TRMT2B: variants seen among roughly 807,000 people sequenced by gnomAD.
TRMT2B encodes the protein tRNA (uracil-5-)-methyltransferase homolog B.
A neutral mutation model predicts 39.7 loss-of-function variants in TRMT2B; 34 were observed. The ratio of observed to expected loss-of-function variants is 0.86; its 90% CI spans 0.65 to 1.14. The LOEUF (loss-of-function observed/expected upper bound fraction) is 1.14. Ranked by LOEUF, TRMT2B falls within the 50% of genes most tolerant of loss-of-function variation. The pLI is 0.00. For synonymous variants in TRMT2B, 132 were observed against 137.3 expected (o/e 0.96, Z 0.27); for missense variants, 318 against 377.2 (o/e 0.84, Z 1.30).
chrX:101,021,053 C>T (rs1261241692), intron 10 of TRMT2B, 48 bp downstream of exon 10: 1 of 1,139,841 alleles, frequency 8.8e-7, no homozygotes, highest in South Asian at 1.8e-5. Flanking sequence ...GCTACAAGGG[C>T]CTTGGGAGCT....
chrX:101,003,905 A>T, the TRMT2B span, among the ~76,000 whole-genome samples: 1 of 111,543 alleles, frequency 9.0e-6, no homozygotes, highest in African/African-American at 3.3e-5. Context: ...ATCATGGCTC[A>T]CTGCAGCCTC....
At position 101,025,549 on chromosome X, in the gene TRMT2B, C is replaced by T. The variant is rs189077363; in HGVS notation, c.610-1933G>A. The stretch of plus-strand genomic sequence containing the variant: ...GGAATTATACAAAAAAACAGTGCTA[C>T]CTGAGAGGTAAGATCAATTAAGGTT... On this transcript the variant is annotated intron_variant, in intron 7 of 13. Transcript: ENST00000372936. 8.8e-4 allele frequency among the ~76,000 whole-genome samples: 98 copies of T among 111,954 alleles called. No homozygotes were observed. In the Middle Eastern group the frequency reaches 0.032, roughly 37 times the overall value.
chrX:100,993,913 A>C, the TRMT2B span, among the ~76,000 whole-genome samples: 43 of 112,015 alleles, frequency 3.8e-4, no homozygotes, highest in South Asian at 0.016. Context: ...GGCCTGCTGT[A>C]AAGTTTAAAA....
chrX:101,041,991 A>C, intron 3 of TRMT2B, 51 bp downstream of exon 3: 8 of 1,177,992 alleles, frequency 6.8e-6, no homozygotes, highest in Non-Finnish European at 9.2e-6. Flanking sequence ...ATTTCAGCAG[A>C]TGTACAGATT....
In TRMT2B at chrX:101,041,297, G is replaced by C; in HGVS notation, c.303+20C>G. On this transcript the variant is annotated intron_variant, in intron 4 of 13. Transcript: ENST00000372936. ...CATTCTCCTGGAAAGGAGGGGTAAA[G>C]ACTTAGGCTGGGCACCTACCTTGAG... The C allele has an allele frequency of 8.3e-7, 1 of 1,204,845 alleles. No homozygotes were observed. The highest frequency in any genetic ancestry group is 1.1e-6 in the Non-Finnish European group (1 of 889,845).
the TRMT2B span, among the ~76,000 whole-genome samples, chrX:100,992,344 G>A: frequency 2.8e-4 from 31 of 111,586 alleles, no homozygotes; most frequent in African/African-American, 1.0e-3. Context: ...ACCTTGGGAG[G>A]CCAAGGCAGG....
chrX:101,051,706 C>T lies in TRMT2B; in HGVS notation c.-479G>A. 1 of 754,956 alleles carries T rather than the reference C, an allele frequency of 1.3e-6. No individual in the cohort carries two copies. Among genetic ancestry groups the T allele is most frequent in the South Asian group, 6.7e-5 (1 of 14,903 alleles). 62.2% of individuals were successfully genotyped at this position (754,956 alleles called of 1,213,427 possible). On this transcript the variant is annotated 5_prime_UTR_variant, in exon 2 of 14. Coordinates refer to ENST00000372936, the MANE Select transcript of TRMT2B (RefSeq NM_024917.6). ...CCTGCCTCCTCCATTCCCCGCCCCG[C>T]GGACAGTTTGGCATAGTAGGGAGTT...
chrX:100,991,664 G>A, the TRMT2B span, among the ~76,000 whole-genome samples: 11 of 112,007 alleles, frequency 9.8e-5, no homozygotes, highest in Admixed American at 3.8e-4. Context: ...ATGAGCCACC[G>A]CGCCCGGCCC....
chrX:101,000,221 A>T, the TRMT2B span, among the ~76,000 whole-genome samples: 1 of 108,446 alleles, frequency 9.2e-6, no homozygotes, highest in Non-Finnish European at 1.9e-5. Context: ...CCTGGGTTCA[A>T]GTGATTCTCC....
intron 13 of TRMT2B, chrX:101,013,727 GATGAGACTCCGTCTCAAAA>G (rs1334117552): frequency 1.2e-5 from 1 of 86,661 alleles, no homozygotes; most frequent in Non-Finnish European, 2.1e-5. Context: ...ACTCCAGCAA[GATGAGACTCCGTCTCAAAA>G]AAAAAAAAAA....
At chrX:101,020,381 T>G (rs1162697109) in intron 11 of TRMT2B, 106 bp downstream of exon 11, 1 of 629,163 alleles carries the variant, frequency 1.6e-6, no homozygotes, top group Non-Finnish European at 2.5e-6. Flanking sequence ...CCTCCCTTCC[T>G]CCCTGTGGGT....
At chrX:100,990,175 C>T in the TRMT2B span, among the ~76,000 whole-genome samples, 6 of 111,206 alleles carry the variant, frequency 5.4e-5, no homozygotes, top group Non-Finnish European at 1.1e-4. Flanking sequence ...AGAGAAAGTA[C>T]GAGGCCAGGG....
At chrX:101,033,061 G>T (rs1476698897) in intron 7 of TRMT2B, among the ~76,000 whole-genome samples, 1 of 109,302 alleles carries the variant, frequency 9.1e-6, no homozygotes, top group Admixed American at 1.0e-4. Flanking sequence ...TTCAAGACCA[G>T]CCTGGCCAAC....
chrX:101,004,417 C>T (rs1417490117), downstream of TRMT2B, among the ~76,000 whole-genome samples: 1 of 111,313 alleles, frequency 9.0e-6, no homozygotes, highest in Non-Finnish European at 1.9e-5. Flanking sequence ...AACTCCTGGG[C>T]TTAAGTGATC....
the TRMT2B span, among the ~76,000 whole-genome samples, chrX:100,994,863 T>C: frequency 9.0e-6 from 1 of 111,552 alleles, no homozygotes; most frequent in Admixed American, 9.6e-5. Context: ...CTCGAACTCC[T>C]GGGCTTAAGC....
rs1469960544 is a variant in TRMT2B, at chrX:101,035,475, T to G, written c.609+138A>C. 3 of 534,845 alleles carry G rather than the reference T, an allele frequency of 5.6e-6. No homozygotes were observed. The African/African-American group carries it at 6.9e-5, about 12-fold the overall frequency. 44.1% of individuals were successfully genotyped at this position (534,845 alleles called of 1,213,427 possible). ...AACCTAGCAATGTTTTCTCCATAGT[T>G]AGAAGGTATGCTTTCAGTACAGAGC... On this transcript the variant is annotated intron_variant, in intron 7 of 13. Transcript: ENST00000372936.
At chrX:101,032,019 G>A (rs1232479417) in intron 7 of TRMT2B, among the ~76,000 whole-genome samples, 3 of 111,029 alleles carry the variant, frequency 2.7e-5, no homozygotes, top group Non-Finnish European at 5.7e-5. Flanking sequence ...GAGGGGACCG[G>A]GGGTGCCTAT....
chrX:101,036,683 AATG>A lies in TRMT2B; in HGVS notation c.538+288_538+290del, dbSNP rs759169338. 9.0e-5 allele frequency among the ~76,000 whole-genome samples: 10 copies of A among 111,313 alleles called. No individual in the cohort carries two copies. In the East Asian group the frequency reaches 2.8e-3, roughly 31 times the overall value. ...AGCAGCATAAAATGATGATGACAAC[AATG>A]ATGATGAGACAGCAGCAGCAACAAC... On this transcript the variant is annotated intron_variant, in intron 6 of 13. Transcript: ENST00000372936.
In TRMT2B at chrX:101,037,642, C is replaced by G. The variant is rs779411330; in HGVS notation, c.438+275G>C. On this transcript the variant is annotated intron_variant, in intron 5 of 13. Coordinates refer to ENST00000372936, the MANE Select transcript of TRMT2B (RefSeq NM_024917.6). Reference sequence around the variant, plus strand: ...AGTGGAGTGGTTGATACAATGGAGTCTCTATCAGATAGACCTGAGCGTGAA... The same window carrying G: ...AGTGGAGTGGTTGATACAATGGAGTGTCTATCAGATAGACCTGAGCGTGAA... The G allele has an allele frequency of 2.0e-5, 5 of 245,677 alleles. No homozygotes were observed. The South Asian group carries it at 6.0e-4, about 30-fold the overall frequency. The allele number at this position is 245,677 out of a possible 1,213,427, so 20.2% of individuals were successfully genotyped here.
Sources: allele counts gnomAD v4.1 joint callset (sites outside exome capture counted in the v4.1 genomes callset), GRCh38; gene constraint gnomAD v4.1.1; transcripts MANE v1.5; gene names NCBI Gene and HGNC (gene_info 2026-07-23, HGNC 2026-07-21).